Variants in SLC22A3 observed in about 807,000 individuals in gnomAD.
SLC22A3 encodes solute carrier family 22 member 3, also known as EMT organic cation transporter 3.
SLC22A3 carries 51 observed loss-of-function variants against 59.1 expected under a neutral mutation model. That is an observed-to-expected ratio of 0.86 (90% CI 0.69 to 1.09). The LOEUF is 1.09. SLC22A3 is among the 50% of genes least tolerant of loss of function. SLC22A3 has a pLI of 0.00. For missense variants in SLC22A3, 711 were observed against 726.3 expected (o/e 0.98, Z 0.24); for synonymous variants, 325 against 292.0 (o/e 1.11, Z -1.15).
chr6:160,436,070 C>A (rs754875562), intron 5 of SLC22A3, among the ~76,000 whole-genome samples: 5 of 152,118 alleles, frequency 3.3e-5, no homozygotes, highest in Non-Finnish European at 4.4e-5. Flanking sequence ...GGTCAAAGAG[C>A]CCTCCATGCA....
Position 160,348,683 on chromosome 6 carries a change from C to A in SLC22A3, c.264C>A (p.Gly88=), listed in dbSNP as rs573645741. The stretch of plus-strand genomic sequence containing the variant: ...GCCCAGAGCCCCCCGAGCGCCGCGG[C>A]CGCTGCCAGCGCTACCTCCTGGAGG... The part of the protein sequence containing the change: ...SRGPEPPERR[G]RCQRYLLEAA... The change falls in exon 1 of 11, where the codon GGC becomes GGA. Residue 88 remains glycine, a synonymous_variant. Coordinates refer to ENST00000275300, the MANE Select transcript of SLC22A3 (RefSeq NM_021977.4). The A allele has an allele frequency of 1.3e-6, 2 of 1,507,466 alleles. No homozygotes were observed. Among genetic ancestry groups the A allele is most frequent in the Admixed American group, 2.1e-5 (1 of 48,170 alleles). The allele number at this position is 1,507,466 out of a possible 1,614,324, so 93.4% of individuals were successfully genotyped here. A position where few individuals can be genotyped will look rare whatever the true frequency, so the allele number is the denominator to read the frequency against.
intron 5 of SLC22A3, among the ~76,000 whole-genome samples, chr6:160,434,474 A>G (rs1788266038): frequency 6.6e-6 from 1 of 152,228 alleles, no homozygotes; most frequent in Admixed American, 6.5e-5. Context: ...CCTTATTTAT[A>G]GAATAAGATT....
chr6:160,417,728 C>A (rs1787558733), intron 5 of SLC22A3, among the ~76,000 whole-genome samples: 1 of 152,118 alleles, frequency 6.6e-6, no homozygotes, highest in Non-Finnish European at 1.5e-5. Flanking sequence ...ATGAGACCTG[C>A]TTTGGCCAAT....
intron 10 of SLC22A3, among the ~76,000 whole-genome samples, chr6:160,448,463 A>G (rs1310076535): frequency 6.6e-6 from 1 of 152,108 alleles, no homozygotes; most frequent in Non-Finnish European, 1.5e-5. Context: ...ATAGATAGAT[A>G]CAGATAGATA....
At chr6:160,377,945 C>A (rs1467854892) in intron 1 of SLC22A3, among the ~76,000 whole-genome samples, 6 of 152,198 alleles carry the variant, frequency 3.9e-5, no homozygotes, top group African/African-American at 1.4e-4. Context: ...TTATGTTCCT[C>A]CTGTAAACCT....
At chr6:160,360,633 C>T (rs755509349) in intron 1 of SLC22A3, among the ~76,000 whole-genome samples, 9 of 152,174 alleles carry the variant, frequency 5.9e-5, no homozygotes, top group Admixed American at 5.2e-4. Context: ...TGTCCTGACC[C>T]GGAAAGCATT....
intron 9 of SLC22A3, among the ~76,000 whole-genome samples, chr6:160,447,471 G>A (rs546478122): frequency 1.3e-5 from 2 of 152,318 alleles, no homozygotes; most frequent in South Asian, 4.1e-4. Context: ...CAATCACTGT[G>A]AGATGTGTGA....
chr6:160,389,689 G>A (rs147692766), intron 1 of SLC22A3, among the ~76,000 whole-genome samples: 1 of 152,320 alleles, frequency 6.6e-6, no homozygotes, highest in African/African-American at 2.4e-5. Flanking sequence ...TGGTCAGAGC[G>A]AGGCTGCAAT....
chr6:160,378,573 C>T (rs3123633), intron 1 of SLC22A3, among the ~76,000 whole-genome samples: 70,654 of 152,010 alleles, frequency 0.46, 16,721 homozygotes, highest in East Asian at 0.56. Context: ...AATTTCTTTT[C>T]GTGGAATGTC....
At chr6:160,367,514 A>C (rs1372394127) in intron 1 of SLC22A3, among the ~76,000 whole-genome samples, 1 of 152,186 alleles carries the variant, frequency 6.6e-6, no homozygotes, top group Non-Finnish European at 1.5e-5. Flanking sequence ...GTGCTATAAA[A>C]ATAGCACATA....
At chr6:160,401,925 A>G (rs980915307) in intron 2 of SLC22A3, among the ~76,000 whole-genome samples, 6 of 152,082 alleles carry the variant, frequency 3.9e-5, no homozygotes, top group South Asian at 4.1e-4. Flanking sequence ...CTGCTGTTCA[A>G]TGAAACCACA....
At chr6:160,387,504 T>C (rs1444838548) in intron 1 of SLC22A3, among the ~76,000 whole-genome samples, 3 of 152,196 alleles carry the variant, frequency 2.0e-5, no homozygotes, top group Admixed American at 6.5e-5. Context: ...AAAGATTTCT[T>C]TGCTACAGGA....
At chr6:160,426,866 A>G (rs1787977838) in intron 5 of SLC22A3, among the ~76,000 whole-genome samples, 1 of 151,772 alleles carries the variant, frequency 6.6e-6, no homozygotes, top group African/African-American at 2.4e-5. Context: ...CAAGCTTTGG[A>G]CCCTGAATAA....
At position 160,451,033 on chromosome 6, in the gene SLC22A3, C is replaced by A. The variant is rs1562508069; in HGVS notation, c.1648C>A (p.Pro550Thr). 1.3e-6 allele frequency: 2 copies of A among 1,595,434 alleles called. No homozygotes were observed. The highest frequency in any genetic ancestry group is 2.3e-5 in the South Asian group (2 of 88,034). Reference protein sequence around the residue: ...SCKCGRNKKTPVSRSHL With the variant: ...SCKCGRNKKTTVSRSHL ...TAAATGTGGCAGGAATAAGAAAACC[C>A]CAGTTTCCCGCTCTCACCTTTGAGG... Residue 550 changes from proline (P) to threonine (T), a missense_variant, in exon 11 of 11, where the codon CCA (proline) becomes ACA (threonine). By Grantham distance (38) the Pro-to-Thr change is conservative. Transcript: ENST00000275300.
chr6:160,447,005 T>G (rs558600794), intron 9 of SLC22A3, among the ~76,000 whole-genome samples: 1 of 152,332 alleles, frequency 6.6e-6, no homozygotes, highest in East Asian at 1.9e-4. Flanking sequence ...AGGGCTTGAT[T>G]GCCCAAAGAG....
chr6:160,442,979 G>A (rs1788606028), intron 8 of SLC22A3, 110 bp downstream of exon 8: 2 of 823,514 alleles, frequency 2.4e-6, no homozygotes, highest in Admixed American at 4.0e-5. Flanking sequence ...TGATATATTA[G>A]CCTAGGCTGA....
intron 9 of SLC22A3, among the ~76,000 whole-genome samples, chr6:160,446,186 T>C (rs1788736463): frequency 6.6e-6 from 1 of 152,120 alleles, no homozygotes; most frequent in African/African-American, 2.4e-5. Flanking sequence ...CATGTGGATC[T>C]GGTGGCCAGC....
At chr6:160,398,309 G>A (rs911021096) in intron 2 of SLC22A3, among the ~76,000 whole-genome samples, 8 of 152,152 alleles carry the variant, frequency 5.3e-5, no homozygotes, top group African/African-American at 9.6e-5. Context: ...GGCTGTTCCC[G>A]GTAGGACTGA....
chr6:160,416,027 G>T (rs1380557868), intron 5 of SLC22A3, among the ~76,000 whole-genome samples: 1 of 152,102 alleles, frequency 6.6e-6, no homozygotes, highest in Non-Finnish European at 1.5e-5. Context: ...GCATTTTGAG[G>T]GTTGTTTATC....
Sources: gnomAD v4.1 joint callset for allele counts (sites outside exome capture counted in the v4.1 genomes callset) on GRCh38, gnomAD v4.1.1 for gene constraint, MANE v1.5 for transcripts, NCBI Gene and HGNC (gene_info 2026-07-23, HGNC 2026-07-21) for gene names.